Variants in MAMDC2 observed in about 807,000 individuals in gnomAD.
MAMDC2 encodes MAM domain containing 2, also known as MAM domain-containing protein 2.
A neutral mutation model predicts 89.8 loss-of-function variants in MAMDC2; 57 were observed. The ratio of observed to expected loss-of-function variants is 0.63; its 90% confidence interval spans 0.51 to 0.79. The LOEUF (loss-of-function observed/expected upper bound fraction) is 0.79, where lower values mean the gene tolerates loss of function less well. MAMDC2 is among the 30% of genes least tolerant of loss of function. The probability of loss-of-function intolerance (pLI) is 0.00; values close to 1 mark genes in which losing one functional copy is unlikely to be tolerated. For synonymous variants in MAMDC2, 313 were observed against 293.4 expected, an observed-to-expected ratio of 1.07 and a Z score of -0.68; for missense variants, 800 against 820.6, an observed-to-expected ratio of 0.97 and a Z score of 0.31.
intron 5 of MAMDC2, among the ~76,000 whole-genome samples, chr9:70,120,321 G>T (rs935451096): frequency 8.5e-5 from 13 of 152,102 alleles, no homozygotes; most frequent in African/African-American, 3.1e-4. Flanking sequence ...TCATCTCAAG[G>T]TCCAGAGCAA....
intron 11 of MAMDC2, among the ~76,000 whole-genome samples, chr9:70,200,895 T>C (rs1346616862): frequency 3.6e-5 from 4 of 110,388 alleles, no homozygotes; most frequent in African/African-American, 7.3e-5. Context: ...TTTTTGTACA[T>C]TGATTTTGTA....
At chr9:70,103,839 G>A (rs1235506967) in intron 2 of MAMDC2, among the ~76,000 whole-genome samples, 1 of 151,960 alleles carries the variant, frequency 6.6e-6, no homozygotes, top group East Asian at 1.9e-4. Context: ...AAAATTAGCA[G>A]GGCGTGGCAG....
intron 6 of MAMDC2, among the ~76,000 whole-genome samples, chr9:70,129,877 G>T (rs1325373028): frequency 6.6e-6 from 1 of 152,122 alleles, no homozygotes; most frequent in East Asian, 1.9e-4. Flanking sequence ...CAAGGTGCTG[G>T]CAGGGCTTGT....
intron 2 of MAMDC2, among the ~76,000 whole-genome samples, chr9:70,101,765 C>T (rs1951147655): frequency 6.6e-6 from 1 of 152,180 alleles, no homozygotes; most frequent in South Asian, 2.1e-4. Context: ...GATGATTTCT[C>T]AGAACCTATC....
intron 11 of MAMDC2, chr9:70,175,772 G>C (rs1346702028): frequency 1.3e-5 from 2 of 152,130 alleles, no homozygotes; most frequent in Non-Finnish European, 2.9e-5. Flanking sequence ...GCAGCTTAAA[G>C]TCCAAGATCA....
At chr9:70,221,356 AATATATAT>A (rs1215738162) in intron 12 of MAMDC2, among the ~76,000 whole-genome samples, 13 of 9,420 alleles carry the variant, frequency 1.4e-3, no homozygotes, top group Admixed American at 7.4e-3. Flanking sequence ...CCAAACAACA[AATATATAT>A]ATATATATAT....
intron 2 of MAMDC2, among the ~76,000 whole-genome samples, chr9:70,079,073 T>C (rs944525775): frequency 6.6e-6 from 1 of 152,136 alleles, no homozygotes; most frequent in Non-Finnish European, 1.5e-5. Flanking sequence ...CTTCTGGAAT[T>C]TGTCTTCACT....
chr9:70,126,258 C>T lies in MAMDC2; in HGVS notation c.743C>T (p.Ser248Leu). The T allele has an allele frequency of 6.2e-7, 1 of 1,614,200 alleles. No homozygotes were observed. Among genetic ancestry groups the T allele is most frequent in the Non-Finnish European group, 8.5e-7 (1 of 1,180,032 alleles). The change falls in exon 6 of 14, where the codon TCA becomes TTA. Residue 248 changes from serine (S) to leucine (L), a missense_variant. Physicochemically the swap from Ser to Leu is moderately radical, Grantham distance 145 (BLOSUM62 -2). Transcript: ENST00000377182. ...LTTAPMAGCL[S>L]FYYQIQQGND... ...ACGGCCCCCATGGCTGGCTGCCTGT[C>T]ATTTTATTACCAGATCCAGCAGGGG...
chr9:70,205,159 T>C (rs2033197582), intron 11 of MAMDC2, among the ~76,000 whole-genome samples: 1 of 152,204 alleles, frequency 6.6e-6, no homozygotes, highest in Non-Finnish European at 1.5e-5. Flanking sequence ...ACAAGCTTTT[T>C]AAAAAATTGG....
At chr9:70,168,241 C>T (rs1265467407) in intron 9 of MAMDC2, among the ~76,000 whole-genome samples, 1 of 152,148 alleles carries the variant, frequency 6.6e-6, no homozygotes, top group Non-Finnish European at 1.5e-5. Flanking sequence ...ACTGTAATCC[C>T]AGCACTTTGG....
chr9:70,224,135 AT>A (rs2033609764), intron 12 of MAMDC2, among the ~76,000 whole-genome samples: 3 of 152,036 alleles, frequency 2.0e-5, no homozygotes, highest in Non-Finnish European at 2.9e-5. Context: ...GTGTTAGGAC[AT>A]TTTTTCCCTC....
chr9:70,157,766 A>AGGG, intron 9 of MAMDC2: 1 of 152,692 alleles, frequency 6.5e-6, no homozygotes, highest in Middle Eastern at 3.4e-3. Context: ...GTCAAGTCAG[A>AGGG]GGGGGAAAAA....
intron 8 of MAMDC2, among the ~76,000 whole-genome samples, chr9:70,141,304 G>A (rs1238038435): frequency 6.6e-6 from 1 of 152,090 alleles, no homozygotes; most frequent in Non-Finnish European, 1.5e-5. Context: ...ATGAAACGGG[G>A]AACTGTTTAG....
chr9:70,173,834 A>C (rs1048291829), intron 11 of MAMDC2, among the ~76,000 whole-genome samples: 3 of 152,228 alleles, frequency 2.0e-5, no homozygotes, highest in Admixed American at 6.5e-5. Context: ...GCATCAGGAC[A>C]ACCTAAGGTT....
chr9:70,126,147 T>C lies in MAMDC2; in HGVS notation c.644-12T>C. 1 of 1,603,154 alleles carries C rather than the reference T, an allele frequency of 6.2e-7. No homozygotes were observed. ...AACTCTTAACACTGTGCTCTGTCTG[T>C]GTGATTTTCAGGCCACTACATGTAC... On this transcript the variant is annotated splice_polypyrimidine_tract_variant and intron_variant, in intron 5 of 13. Transcript: ENST00000377182.
intron 2 of MAMDC2, among the ~76,000 whole-genome samples, chr9:70,047,468 CTG>C (rs1826781674): frequency 6.6e-6 from 1 of 152,058 alleles, no homozygotes; most frequent in Non-Finnish European, 1.5e-5. Flanking sequence ...TTTTCTGTTC[CTG>C]TGTTAGTTTG....
intron 11 of MAMDC2, 57 bp from the exon 12 acceptor site, chr9:70,218,280 G>A: frequency 3.2e-6 from 5 of 1,541,542 alleles, no homozygotes; most frequent in Non-Finnish European, 4.4e-6. Context: ...CATTATGAAA[G>A]GAGAAAATGT....
At chr9:70,106,580 C>A (rs543242393) in intron 2 of MAMDC2, among the ~76,000 whole-genome samples, 1 of 152,274 alleles carries the variant, frequency 6.6e-6, no homozygotes, top group South Asian at 2.1e-4. Context: ...AGGCCTTCAC[C>A]TTGGAAATGC....
chr9:70,058,555 T>A (rs1002054005), intron 2 of MAMDC2, among the ~76,000 whole-genome samples: 1 of 152,206 alleles, frequency 6.6e-6, no homozygotes, highest in Admixed American at 6.5e-5. Flanking sequence ...GGTCATTTTT[T>A]ATCCCCATTT....
Sources: gnomAD v4.1 joint callset for allele counts (sites outside exome capture counted in the v4.1 genomes callset) on GRCh38, gnomAD v4.1.1 for gene constraint, MANE v1.5 for transcripts, NCBI Gene and HGNC (gene_info 2026-07-23, HGNC 2026-07-21) for gene names.